AATF: variants seen among roughly 807,000 people sequenced by gnomAD.
AATF encodes the protein protein AATF.
In AATF, 48 loss-of-function variants were observed where a neutral mutation model predicts 63.7. The observed-to-expected ratio is 0.75, with a 90% CI of 0.60 to 0.96. The LOEUF (loss-of-function observed/expected upper bound fraction) is 0.96, where lower values mean the gene tolerates loss of function less well. AATF is among the 40% of genes least tolerant of loss of function. AATF has a pLI of 0.00. For missense variants in AATF, 639 were observed against 685.7 expected, an observed-to-expected ratio of 0.93 and a Z score of 0.76; for synonymous variants, 258 against 247.7, an observed-to-expected ratio of 1.04 and a Z score of -0.39.
chr17:37,046,767 A>ACT (rs912469516), intron 11 of AATF, among the ~76,000 whole-genome samples: 2 of 150,650 alleles, frequency 1.3e-5, no homozygotes, highest in African/African-American at 4.9e-5. Flanking sequence ...ACACACACAC[A>ACT]CACGCATGCA....
chr17:36,965,585 A>G (rs189624678), intron 4 of AATF, among the ~76,000 whole-genome samples: 20 of 152,276 alleles, frequency 1.3e-4, no homozygotes, highest in Admixed American at 2.6e-4. Flanking sequence ...TATGTGCCTT[A>G]TTGTCTTCTA....
At chr17:37,022,638 G>C (rs1408365151) in intron 10 of AATF, among the ~76,000 whole-genome samples, 1 of 152,118 alleles carries the variant, frequency 6.6e-6, no homozygotes, top group Admixed American at 6.5e-5. Flanking sequence ...TCCCAGCTTT[G>C]ACATTGATTA....
At position 37,030,099 on chromosome 17, in the gene AATF, C is replaced by G. The variant is rs192738949; in HGVS notation, c.1548-1515C>G. ...TTCTGGGTTGGTGTGGGGGTATAGA[C>G]AGGGTCTTACTATGTTGTCCAGGCT... On this transcript the variant is annotated intron_variant, in intron 10 of 11. Coordinates refer to ENST00000619387, the MANE Select transcript of AATF (RefSeq NM_012138.4). Among the ~76,000 whole-genome samples the G allele has an allele frequency of 3.3e-4, 50 of 151,494 alleles. No individual in the cohort carries two copies. In the East Asian group the frequency reaches 9.8e-3, roughly 30 times the overall value.
intron 4 of AATF, among the ~76,000 whole-genome samples, chr17:36,977,832 G>T (rs1004922343): frequency 1.3e-5 from 2 of 152,102 alleles, no homozygotes; most frequent in African/African-American, 2.4e-5. Context: ...TTGGCAAAGT[G>T]CTCAGTAGCG....
At chr17:36,960,822 A>G (rs2070941247) in intron 4 of AATF, among the ~76,000 whole-genome samples, 1 of 152,224 alleles carries the variant, frequency 6.6e-6, no homozygotes, top group Non-Finnish European at 1.5e-5. Context: ...AGCCAAGATG[A>G]TGTGAGTAAG....
At chr17:37,036,278 G>A (rs1162503000) in intron 11 of AATF, among the ~76,000 whole-genome samples, 1 of 152,132 alleles carries the variant, frequency 6.6e-6, no homozygotes, top group Non-Finnish European at 1.5e-5. Context: ...AATCCTCAGT[G>A]GTTTTGGTGG....
chr17:36,981,346 C>T (rs912919708), intron 4 of AATF, among the ~76,000 whole-genome samples: 1 of 151,912 alleles, frequency 6.6e-6, no homozygotes, highest in African/African-American at 2.4e-5. Flanking sequence ...GCAGCTTATT[C>T]TCTGGGTGGT....
At chr17:36,964,271 A>T (rs942318957) in intron 4 of AATF, among the ~76,000 whole-genome samples, 5 of 145,862 alleles carry the variant, frequency 3.4e-5, no homozygotes, top group African/African-American at 1.3e-4. Flanking sequence ...GGAGAGGGGG[A>T]CATCTGTTGT....
Position 36,953,959 on chromosome 17 carries a change from A to C in AATF, c.832+52A>C, listed in dbSNP as rs1214274093. Reference sequence around the variant, plus strand: ...TACTTAGAACCACTTTGTCAAATGAAGACAGCTTTGATTGAAGTGGACTGG... The same window carrying C: ...TACTTAGAACCACTTTGTCAAATGACGACAGCTTTGATTGAAGTGGACTGG... On this transcript the variant is annotated intron_variant, in intron 4 of 11. Transcript: ENST00000619387. 2.5e-6 allele frequency: 4 copies of C among 1,581,188 alleles called. No homozygotes were observed. The African/African-American group carries it at 5.4e-5, about 21-fold the overall frequency.
At chr17:36,953,583 G>A (rs918949583) in intron 3 of AATF, among the ~76,000 whole-genome samples, 187 bp from the exon 4 acceptor site, 3 of 152,162 alleles carry the variant, frequency 2.0e-5, no homozygotes, top group Admixed American at 2.0e-4. Context: ...CTCTGCTGTA[G>A]CAAATACTTG....
chr17:37,049,735 C>A (rs1048664600), intron 11 of AATF, among the ~76,000 whole-genome samples: 2 of 152,022 alleles, frequency 1.3e-5, no homozygotes, highest in Non-Finnish European at 2.9e-5. Context: ...GAGGCACGTG[C>A]TTTATTGGAG....
At chr17:37,004,425 C>A (rs753542429) in intron 8 of AATF, among the ~76,000 whole-genome samples, 4 of 152,058 alleles carry the variant, frequency 2.6e-5, no homozygotes, top group Non-Finnish European at 4.4e-5. Flanking sequence ...AATGGGACAG[C>A]TGCTGGAAGG....
rs188434469 is a variant in AATF at position 36,956,821 on chromosome 17, A to T, written c.832+2914A>T. ...GTGAAATCCCATCTTTAATAAAAAT[A>T]AAAATATTAGCCAGGTATGGTGGTA... On this transcript the variant is annotated intron_variant, in intron 4 of 11. Transcript: ENST00000619387. 7.6e-4 allele frequency among the ~76,000 whole-genome samples: 116 copies of T among 152,300 alleles called. 1 individual carries two copies. In the Middle Eastern group the frequency reaches 0.014, roughly 18 times the overall value.
chr17:37,044,183 A>T (rs991401292), intron 11 of AATF, among the ~76,000 whole-genome samples: 4 of 152,150 alleles, frequency 2.6e-5, no homozygotes, highest in African/African-American at 7.2e-5. Context: ...TCTCCAAATC[A>T]TCTCACTTCT....
chr17:37,031,788 A>G, intron 11 of AATF, 103 bp downstream of exon 11: 2 of 951,200 alleles, frequency 2.1e-6, no homozygotes, highest in Admixed American at 1.7e-5. Flanking sequence ...TCAGTTAACC[A>G]TTTGTCATTG....
chr17:36,955,947 G>A (rs1393942567), intron 4 of AATF, among the ~76,000 whole-genome samples: 1 of 151,924 alleles, frequency 6.6e-6, no homozygotes, highest in African/African-American at 2.4e-5. Context: ...TTTTTTTGTG[G>A]AAATAGGGTC....
chr17:37,050,729 C>T (rs1246350216), intron 11 of AATF, among the ~76,000 whole-genome samples: 1 of 152,092 alleles, frequency 6.6e-6, no homozygotes, highest in African/African-American at 2.4e-5. Context: ...TCCCTTGATT[C>T]TGCAATGTAT....
intron 5 of AATF, among the ~76,000 whole-genome samples, chr17:36,987,536 G>A (rs747622754): frequency 1.2e-4 from 18 of 151,158 alleles, no homozygotes; most frequent in Non-Finnish European, 2.2e-4. Context: ...TTTTTCCCTC[G>A]AGCTTATCTT....
At chr17:37,009,773 C>T (rs1027881952) in intron 8 of AATF, among the ~76,000 whole-genome samples, 2 of 142,072 alleles carry the variant, frequency 1.4e-5, no homozygotes, top group South Asian at 2.2e-4. Flanking sequence ...GCCGAGATTG[C>T]GCCACTGCAG....
Sources: allele counts gnomAD v4.1 joint callset (sites outside exome capture counted in the v4.1 genomes callset), GRCh38; gene constraint gnomAD v4.1.1; transcripts MANE v1.5; gene names NCBI Gene and HGNC (gene_info 2026-07-23, HGNC 2026-07-21).